MEGF6: variants seen among roughly 807,000 people sequenced by gnomAD.
MEGF6 encodes multiple epidermal growth factor-like domains protein 6.
In MEGF6, 184 loss-of-function variants were observed where a neutral mutation model predicts 207.1. That is an observed-to-expected ratio of 0.89 (90% CI 0.79 to 1.00). MEGF6 has a LOEUF of 1.00. Ranked by LOEUF, MEGF6 falls within the 50% of genes least tolerant of loss-of-function variation. The pLI is 0.00. For missense variants in MEGF6, 2,282 were observed against 2,202.9 expected (o/e 1.04, Z -0.72); for synonymous variants, 1,038 against 910.0 (o/e 1.14, Z -2.53).
intron 1 of MEGF6, among the ~76,000 whole-genome samples, chr1:3,607,289 C>T (rs1644263436): frequency 6.6e-6 from 1 of 152,108 alleles, no homozygotes. Flanking sequence ...CTCCCGGCCC[C>T]TGCCCGCCTG....
At chr1:3,543,814 G>A (rs530402287) in intron 4 of MEGF6, among the ~76,000 whole-genome samples, 1 of 152,354 alleles carries the variant, frequency 6.6e-6, no homozygotes, top group East Asian at 1.9e-4. Flanking sequence ...CGAGGCCCGG[G>A]CCTAATGTGT....
Position 3,499,812 on chromosome 1 carries a change from G to A in MEGF6, c.2820C>T (p.Gly940=). 1.3e-6 allele frequency: 2 copies of A among 1,554,794 alleles called. No homozygotes were observed. Among genetic ancestry groups the A allele is most frequent in the Non-Finnish European group, 1.7e-6 (2 of 1,150,012 alleles). Residue 940 remains glycine (G), a synonymous_variant, in exon 22 of 37, where the codon GGC becomes GGT. Coordinates refer to ENST00000356575, the MANE Select transcript of MEGF6 (RefSeq NM_001409.4). Reference sequence around the variant, plus strand: ...GTAGCTCACCATGCTCGCAGAAGGTGCCCCTCCAGCCGGCCGGGCAGGTGC... The same window carrying A: ...GTAGCTCACCATGCTCGCAGAAGGTACCCCTCCAGCCGGCCGGGCAGGTGC... ...GACTCPAGWR[G]TFCEHACPAG... is the part of the protein sequence containing the mutation.
intron 1 of MEGF6, among the ~76,000 whole-genome samples, chr1:3,605,152 TCAC>T (rs1644224623): frequency 1.5e-5 from 1 of 68,710 alleles, no homozygotes; most frequent in African/African-American, 5.5e-5. Context: ...AGTCACACAC[TCAC>T]AGTCACATAC....
chr1:3,617,423 T>C, the MEGF6 span, among the ~76,000 whole-genome samples: 70,476 of 151,716 alleles, frequency 0.46, 16,883 homozygotes, highest in South Asian at 0.61. Context: ...GAGTGGGAGC[T>C]GAATGATGAG....
chr1:3,568,443 A>C (rs1643411100), intron 4 of MEGF6, among the ~76,000 whole-genome samples: 1 of 152,020 alleles, frequency 6.6e-6, no homozygotes, highest in African/African-American at 2.4e-5. Flanking sequence ...CTTTGGCTAG[A>C]GCAGGACAGG....
At chr1:3,616,182 GC>G (rs1430249111), upstream of MEGF6, among the ~76,000 whole-genome samples, 11 of 152,152 alleles carry the variant, frequency 7.2e-5, no homozygotes, top group Non-Finnish European at 1.5e-4. Flanking sequence ...CTTCCCTGCA[GC>G]CTGACTTTAA....
Position 3,497,123 on chromosome 1 carries a change from G to T in MEGF6, c.3482-4C>A. ...CCAAAGCTGCCGGGTGGGCAGGCTG[G>T]GTGGAGACAGGCAGGGTCGGTCCTG... On this transcript the variant is annotated splice_region_variant and splice_polypyrimidine_tract_variant and intron_variant, in intron 27 of 36. Transcript: ENST00000356575. 1 of 1,574,706 alleles carries T rather than the reference G, an allele frequency of 6.4e-7. No individual in the cohort carries two copies. The highest frequency in any genetic ancestry group is 8.6e-7 in the Non-Finnish European group (1 of 1,157,520).
chr1:3,530,131 T>C lies in MEGF6; in HGVS notation c.482-5885A>G, dbSNP rs547066408. 4.6e-5 allele frequency among the ~76,000 whole-genome samples: 7 copies of C among 152,346 alleles called. No individual in the cohort carries two copies. The East Asian group carries it at 9.7e-4, about 21-fold the overall frequency. ...CATTTAGTGGCACTGTGGGTGGACC[T>C]GGCCTTGGCTGAGCCGCCCAGCCGG... On this transcript the variant is annotated intron_variant, in intron 4 of 36. Coordinates refer to ENST00000356575, the MANE Select transcript of MEGF6 (RefSeq NM_001409.4).
At chr1:3,503,277 G>A (rs1421989648) in intron 17 of MEGF6, among the ~76,000 whole-genome samples, 1 of 152,222 alleles carries the variant, frequency 6.6e-6, no homozygotes, top group Non-Finnish European at 1.5e-5. Flanking sequence ...TGTGCACAGG[G>A]CTGGGTGGCG....
At position 3,508,707 on chromosome 1, in the gene MEGF6, T is replaced by TG; in HGVS notation, c.1529-19dup. The TG allele has an allele frequency of 6.2e-7, 1 of 1,611,728 alleles. No individual in the cohort carries two copies. Among genetic ancestry groups the TG allele is most frequent in the Non-Finnish European group, 8.5e-7 (1 of 1,179,184 alleles). On this transcript the variant is annotated intron_variant, in intron 12 of 36. Coordinates refer to ENST00000356575, the MANE Select transcript of MEGF6 (RefSeq NM_001409.4). The stretch of plus-strand genomic sequence containing the variant: ...CAGGCAGACTGGGGGCAGACCAGGA[T>TG]GGGGGGATTCAGAGCCTGACCCCTG...
chr1:3,543,336 C>T (rs1485792478), intron 4 of MEGF6, among the ~76,000 whole-genome samples: 1 of 152,266 alleles, frequency 6.6e-6, no homozygotes, highest in African/African-American at 2.4e-5. Context: ...CGCGGCCCTT[C>T]CCTGCTCTGA....
rs1279280018 is a variant in MEGF6 at position 3,565,592 on chromosome 1, A to G, written c.481+14233T>C. On this transcript the variant is annotated intron_variant, in intron 4 of 36. Transcript: ENST00000356575. This position sits in a 1 kb window ranked among gnomAD's most constrained non-coding sequence, Gnocchi z 4.8. The stretch of plus-strand genomic sequence containing the variant: ...CCTGGCCCTGGACGGTCCCCATGGT[A>G]GGACCTGGGGCACAGCACCAGGGTG... Among the ~76,000 whole-genome samples the G allele has an allele frequency of 6.6e-6, 1 of 152,134 alleles. No individual in the cohort carries two copies. Among genetic ancestry groups the G allele is most frequent in the East Asian group, 1.9e-4 (1 of 5,192 alleles).
intron 3 of MEGF6, among the ~76,000 whole-genome samples, chr1:3,581,536 C>T (rs1422575665): frequency 6.6e-6 from 1 of 152,366 alleles, no homozygotes; most frequent in African/African-American, 2.4e-5. Flanking sequence ...CAGGAAACAT[C>T]CGTGTCCCAA....
intron 4 of MEGF6, chr1:3,531,047 C>T (rs1448959477): frequency 4.8e-5 from 70 of 1,472,650 alleles, no homozygotes; most frequent in East Asian, 1.4e-4. Context: ...GCCCTGGCCC[C>T]GCCCGCCCTG....
chr1:3,496,682 C>A lies in MEGF6; in HGVS notation c.3715G>T (p.Gly1239Trp). The stretch of plus-strand genomic sequence containing the variant: ...AGGTTGCAGTCCGTCCCGAGGAACC[C>A]AGTGGGGCAGCGGCAGGCCCCCGTG... ...AATGACRCPT[G>W]FLGTDCNLTC... The change falls in exon 29 of 37, where the codon GGG (glycine) becomes TGG (tryptophan). Residue 1239 changes from glycine to tryptophan, a missense_variant. Transcript: ENST00000356575. 6.4e-7 allele frequency: 1 copy of A among 1,568,856 alleles called. No homozygotes were observed. The highest frequency in any genetic ancestry group is 2.4e-5 in the East Asian group (1 of 41,990).
Position 3,594,993 on chromosome 1 carries a change from G to T in MEGF6, c.376+345C>A, listed in dbSNP as rs998521777. Among the ~76,000 whole-genome samples the T allele has an allele frequency of 2.0e-5, 3 of 152,072 alleles. No homozygotes were observed. The highest frequency in any genetic ancestry group is 4.4e-5 in the Non-Finnish European group (3 of 68,008). On this transcript the variant is annotated intron_variant, in intron 3 of 36. Coordinates refer to ENST00000356575, the MANE Select transcript of MEGF6 (RefSeq NM_001409.4). This position sits in a 1 kb window ranked among gnomAD's most constrained non-coding sequence, Gnocchi z 4.2. ...AGCTGGGGGTGAGCGTGGTGTGGCA[G>T]GTAAACCCCGAACTAGGCTCAGGAG...
Position 3,546,671 on chromosome 1 carries a change from G to A in MEGF6, c.482-22425C>T, listed in dbSNP as rs376875953. Among the ~76,000 whole-genome samples, 440 of 145,248 alleles carry A rather than the reference G, an allele frequency of 3.0e-3. 5 individuals carry two copies. Among genetic ancestry groups the A allele is most frequent in the South Asian group, 0.018 (77 of 4,240 alleles). On this transcript the variant is annotated intron_variant, in intron 4 of 36. Coordinates refer to ENST00000356575, the MANE Select transcript of MEGF6 (RefSeq NM_001409.4). ...TGGGAAGGGGGCTGCCAGGGAGGCC[G>A]AGGTGGGGTGGCAGTGGGCTGGGAA...
chr1:3,521,535 G>C (rs992911936), intron 5 of MEGF6, among the ~76,000 whole-genome samples: 4 of 152,134 alleles, frequency 2.6e-5, no homozygotes, highest in Non-Finnish European at 5.9e-5. Flanking sequence ...AGTCTGGCTG[G>C]GTCCCTCAGC....
At chr1:3,569,152 G>A (rs533929012) in intron 4 of MEGF6, among the ~76,000 whole-genome samples, 2 of 152,290 alleles carry the variant, frequency 1.3e-5, no homozygotes, top group Non-Finnish European at 2.9e-5. Context: ...AGAGACCCCC[G>A]CCACCAGCCG....
Sources: allele counts gnomAD v4.1 joint callset (sites outside exome capture counted in the v4.1 genomes callset), GRCh38; gene constraint gnomAD v4.1.1; non-coding constraint Gnocchi (gnomAD v3.1); transcripts MANE v1.5; gene names NCBI Gene and HGNC (gene_info 2026-07-23, HGNC 2026-07-21).